Variants in ACOX2 observed in about 807,000 individuals in gnomAD.
The protein encoded by ACOX2 is acyl-CoA oxidase 2, also known as peroxisomal acyl-coenzyme A oxidase 2.
In ACOX2, 59 loss-of-function variants were observed where a neutral mutation model predicts 77.5. The ratio of observed to expected loss-of-function variants is 0.76; its 90% CI spans 0.62 to 0.95. ACOX2 has a LOEUF of 0.95. ACOX2 is among the 40% of genes least tolerant of loss of function. The pLI is 0.00. For missense variants in ACOX2, 837 were observed against 880.4 expected, an observed-to-expected ratio of 0.95 and a Z score of 0.62; for synonymous variants, 317 against 340.1, an observed-to-expected ratio of 0.93 and a Z score of 0.75.
Position 58,535,259 on chromosome 3 carries a change from A to C in ACOX2, c.-91-62T>G. The C allele has an allele frequency of 1.1e-6, 1 of 913,650 alleles. No homozygotes were observed. Among genetic ancestry groups the C allele is most frequent in the South Asian group, 1.6e-5 (1 of 63,090 alleles). 56.6% of individuals were successfully genotyped at this position (913,650 alleles called of 1,614,324 possible). On this transcript the variant is annotated intron_variant, in intron 1 of 14. Transcript: ENST00000302819. The surrounding 1 kb of genome is among the most constrained non-coding windows in gnomAD (Gnocchi z 4.8). ...GCCAGGGCTGGTTGGTAGAAGAAAG[A>C]CATCCCTAAGTACCTGAATGCCACT... is the stretch of plus-strand genomic sequence containing the variant.
chr3:58,532,445 G>T (rs1446192156), intron 5 of ACOX2, among the ~76,000 whole-genome samples: 1 of 151,610 alleles, frequency 6.6e-6, no homozygotes, highest in Non-Finnish European at 1.5e-5. Context: ...GAGTGCAATG[G>T]CCTGAGCTCG....
intron 7 of ACOX2, 35 bp from the exon 8 acceptor site, chr3:58,530,673 C>G: frequency 6.3e-7 from 1 of 1,595,040 alleles, no homozygotes; most frequent in Non-Finnish European, 8.6e-7. Flanking sequence ...AGTTCTGGGC[C>G]AAGGCTTCCC....
Position 58,530,491 on chromosome 3 carries a change from G to A in ACOX2, c.967C>T (p.Arg323Cys), listed in dbSNP as rs941553281. The A allele has an allele frequency of 8.7e-6, 14 of 1,614,060 alleles. No homozygotes were observed. The highest frequency in any genetic ancestry group is 5.0e-5 in the Admixed American group (3 of 60,008). ...CVIAMRYSVIRRQSRLRPSDP... is the reference protein window; with the variant it reads ...CVIAMRYSVICRQSRLRPSDP... ...CTGGGCCGGAGCCGGGATTGGCGGC[G>A]GATGACCGAGTAGCGCATGGCGATG... The change falls in exon 8 of 15, where the codon CGC (arginine) becomes TGC (cysteine). Residue 323 changes from arginine to cysteine, a missense_variant. By Grantham distance (180) the Arg-to-Cys change is radical. Transcript: ENST00000302819.
chr3:58,534,726 A>G lies in ACOX2; in HGVS notation c.161-204T>C. On this transcript the variant is annotated intron_variant, in intron 2 of 14. Coordinates refer to ENST00000302819, the MANE Select transcript of ACOX2 (RefSeq NM_003500.4). This position sits in a 1 kb window ranked among gnomAD's most constrained non-coding sequence, Gnocchi z 4.8. ...GCAGTGGCAGAATTTTAGGACCAGAATCCAGGTCTTCTGCTGCCTAGGACT... is the reference window on the plus strand; with the variant it reads ...GCAGTGGCAGAATTTTAGGACCAGAGTCCAGGTCTTCTGCTGCCTAGGACT... 7.3e-7 allele frequency: 1 copy of G among 1,377,970 alleles called. No individual in the cohort carries two copies. Among genetic ancestry groups the G allele is most frequent in the Non-Finnish European group, 1.0e-6 (1 of 999,380 alleles). 85.4% of individuals were successfully genotyped at this position (1,377,970 alleles called of 1,614,324 possible). A position where few individuals can be genotyped will look rare whatever the true frequency, so the allele number is the denominator to read the frequency against.
chr3:58,533,197 A>T lies in ACOX2; in HGVS notation c.583+248T>A, dbSNP rs2063453993. Among the ~76,000 whole-genome samples the T allele has an allele frequency of 6.6e-6, 1 of 151,960 alleles. No homozygotes were observed. Among genetic ancestry groups the T allele is most frequent in the Non-Finnish European group, 1.5e-5 (1 of 67,992 alleles). On this transcript the variant is annotated intron_variant, in intron 5 of 14. Transcript: ENST00000302819. This position sits in a 1 kb window ranked among gnomAD's most constrained non-coding sequence, Gnocchi z 5.6. ...GTGAGGCCTTGTCTCTCATGGATCG[A>T]TTGTCTCCTCTACTTCAAAGTTCCT...
In ACOX2 at chr3:58,534,418, A is replaced by G. The variant is rs755855012; in HGVS notation, c.265T>C (p.Leu89=). 10 of 1,614,196 alleles carry G rather than the reference A, an allele frequency of 6.2e-6. No individual in the cohort carries two copies. The South Asian group carries it at 9.9e-5, about 16-fold the overall frequency. ...AACCAACCCAGGCGCCGAGCTATCA[A>G]CCGGATGTGGAATGCCCTCCGCATG... ...AAMRRAFHIR[L]IARRLGWLED... is the part of the protein sequence containing the mutation. The change falls in exon 3 of 15, where the codon TTG becomes CTG. Residue 89 remains leucine (L), a synonymous_variant. Transcript: ENST00000302819. This position sits in a 1 kb window ranked among gnomAD's most constrained non-coding sequence, Gnocchi z 4.8.
At position 58,509,323 on chromosome 3, in the gene ACOX2, C is replaced by T. The variant is rs560669521; in HGVS notation, c.1851-298G>A. 2.0e-5 allele frequency among the ~76,000 whole-genome samples: 3 copies of T among 152,030 alleles called. No individual in the cohort carries two copies. The South Asian group carries it at 6.2e-4, about 32-fold the overall frequency. On this transcript the variant is annotated intron_variant, in intron 13 of 14. Transcript: ENST00000302819. ...TAGGTGGATCATGAGGTCAGGAGAT[C>T]AAGACCATCCTGGGTAACATGGTGA...
rs1451975719 is a variant in ACOX2 at position 58,534,308 on chromosome 3, A to C, written c.323+52T>G. ...TGGCTCATGGGGCTAGGGGGTTTCC[A>C]GGTGATCCCAGGTAGATCCCTCTCT... On this transcript the variant is annotated intron_variant, in intron 3 of 14. Coordinates refer to ENST00000302819, the MANE Select transcript of ACOX2 (RefSeq NM_003500.4). This position sits in a 1 kb window ranked among gnomAD's most constrained non-coding sequence, Gnocchi z 4.8. The C allele has an allele frequency of 1.1e-5, 17 of 1,604,546 alleles. No individual in the cohort carries two copies. The highest frequency in any genetic ancestry group is 1.1e-5 in the Non-Finnish European group (13 of 1,175,378).
chr3:58,522,401 T>G lies in ACOX2; in HGVS notation c.1632+95A>C. Reference sequence around the variant, plus strand: ...GAGGGCAGCCGCCACTGAAGCAGAGTTGGGGAATAATGGCAGAGCCCGGAT... The same window carrying G: ...GAGGGCAGCCGCCACTGAAGCAGAGGTGGGGAATAATGGCAGAGCCCGGAT... On this transcript the variant is annotated intron_variant, in intron 12 of 14. Coordinates refer to ENST00000302819, the MANE Select transcript of ACOX2 (RefSeq NM_003500.4). This position sits in a 1 kb window ranked among gnomAD's most constrained non-coding sequence, Gnocchi z 4.3. The G allele has an allele frequency of 8.3e-7, 1 of 1,201,048 alleles. No individual in the cohort carries two copies. Among genetic ancestry groups the G allele is most frequent in the East Asian group, 2.4e-5 (1 of 41,694 alleles). 74.4% of individuals were successfully genotyped at this position (1,201,048 alleles called of 1,614,324 possible).
In ACOX2 at chr3:58,505,653, C is replaced by G. The variant is rs1169812709; in HGVS notation, c.1984-367G>C. Among the ~76,000 whole-genome samples the G allele has an allele frequency of 6.6e-6, 1 of 152,136 alleles. No homozygotes were observed. Among genetic ancestry groups the G allele is most frequent in the Non-Finnish European group, 1.5e-5 (1 of 68,026 alleles). Reference sequence around the variant, plus strand: ...CATATAAGCAGTATTCTAGGTCCGACTAGGTTATCCTCATTATGCTGTAAT... The same window carrying G: ...CATATAAGCAGTATTCTAGGTCCGAGTAGGTTATCCTCATTATGCTGTAAT... On this transcript the variant is annotated intron_variant, in intron 14 of 14. Coordinates refer to ENST00000302819, the MANE Select transcript of ACOX2 (RefSeq NM_003500.4). This position sits in a 1 kb window ranked among gnomAD's most constrained non-coding sequence, Gnocchi z 4.4.
chr3:58,520,068 T>G (rs1253138318), intron 12 of ACOX2, among the ~76,000 whole-genome samples: 1 of 152,228 alleles, frequency 6.6e-6, no homozygotes, highest in Non-Finnish European at 1.5e-5. Context: ...GGCCCCACGC[T>G]CTGAGCACAG....
intron 12 of ACOX2, among the ~76,000 whole-genome samples, chr3:58,520,101 T>C (rs2063348824): frequency 6.6e-6 from 1 of 152,222 alleles, no homozygotes; most frequent in Non-Finnish European, 1.5e-5. Flanking sequence ...ACATTGTGTG[T>C]GTTGGTTTAA....
intron 12 of ACOX2, 96 bp from the exon 13 acceptor site, chr3:58,517,519 C>A: frequency 8.2e-7 from 1 of 1,218,142 alleles, no homozygotes. Context: ...AAACTTGAGG[C>A]ATGATGTGCT....
intron 12 of ACOX2, among the ~76,000 whole-genome samples, chr3:58,518,985 G>A (rs2063340805): frequency 6.6e-6 from 1 of 152,126 alleles, no homozygotes; most frequent in Non-Finnish European, 1.5e-5. Context: ...TGGGGATCTT[G>A]TCAAAATGCA....
rs766038826 is a variant in ACOX2 at position 58,534,591 on chromosome 3, C to T, written c.161-69G>A. 1.2e-6 allele frequency: 2 copies of T among 1,612,146 alleles called. No individual in the cohort carries two copies. The highest frequency in any genetic ancestry group is 2.2e-5 in the South Asian group (2 of 90,872). ...TTTCTGGCACCTTGAAATCTTCTCA[C>T]CCACTTGCTTCATGGATCTGGAAAG... On this transcript the variant is annotated intron_variant, in intron 2 of 14. Coordinates refer to ENST00000302819, the MANE Select transcript of ACOX2 (RefSeq NM_003500.4). This position sits in a 1 kb window ranked among gnomAD's most constrained non-coding sequence, Gnocchi z 4.8.
rs2063471057 is a variant in ACOX2, at chr3:58,535,023, C to T, written c.84G>A (p.Met28Ile). The T allele has an allele frequency of 6.2e-7, 1 of 1,614,256 alleles. No individual in the cohort carries two copies. The highest frequency in any genetic ancestry group is 1.1e-5 in the South Asian group (1 of 91,084). Reference sequence around the variant, plus strand: ...TGAGCCGTTCCACGTCAAAGGACTGCATATACCTCTCGCTCTCTATGTCGG... The same window carrying T: ...TGAGCCGTTCCACGTCAAAGGACTGTATATACCTCTCGCTCTCTATGTCGG... ...MHPDIESERY[M>I]QSFDVERLTN... Residue 28 changes from methionine to isoleucine, a missense_variant, in exon 2 of 15, where the codon ATG becomes ATA. Coordinates refer to ENST00000302819, the MANE Select transcript of ACOX2 (RefSeq NM_003500.4). The surrounding 1 kb of genome is among the most constrained non-coding windows in gnomAD (Gnocchi z 4.8).
Position 58,528,645 on chromosome 3 carries a change from T to G in ACOX2, c.1155+149A>C. On this transcript the variant is annotated intron_variant, in intron 9 of 14. Coordinates refer to ENST00000302819, the MANE Select transcript of ACOX2 (RefSeq NM_003500.4). The surrounding 1 kb of genome is among the most constrained non-coding windows in gnomAD (Gnocchi z 5.6). ...GGTAAATTTATATACCAGGGTGCCG[T>G]TCACCCAGACGCCCTGGGATGCTGA... is the stretch of plus-strand genomic sequence containing the variant. 1.0e-6 allele frequency: 1 copy of G among 996,160 alleles called. No homozygotes were observed. The highest frequency in any genetic ancestry group is 1.4e-6 in the Non-Finnish European group (1 of 719,578). 61.7% of individuals were successfully genotyped at this position (996,160 alleles called of 1,614,324 possible). A position where few individuals can be genotyped will look rare whatever the true frequency, so the allele number is the denominator to read the frequency against.
chr3:58,522,922 C>A lies in ACOX2; in HGVS notation c.1527-321G>T. On this transcript the variant is annotated intron_variant, in intron 11 of 14. Coordinates refer to ENST00000302819, the MANE Select transcript of ACOX2 (RefSeq NM_003500.4). This position sits in a 1 kb window ranked among gnomAD's most constrained non-coding sequence, Gnocchi z 4.3. ...TCAGGGCCACAGGCCAGGAGCTGTC[C>A]CCTATTTCTAATGCAGATTCCAGCC... The A allele has an allele frequency of 3.4e-6, 1 of 295,630 alleles. No individual in the cohort carries two copies. The allele number at this position is 295,630 out of a possible 1,614,324, so 18.3% of individuals were successfully genotyped here. A position where few individuals can be genotyped will look rare whatever the true frequency, so the allele number is the denominator to read the frequency against.
chr3:58,532,621 G>T (rs2063449140), intron 5 of ACOX2, among the ~76,000 whole-genome samples: 1 of 152,054 alleles, frequency 6.6e-6, no homozygotes, highest in Non-Finnish European at 1.5e-5. Context: ...CTGACCTCAG[G>T]TGATCCACTC....
Sources: allele counts gnomAD v4.1 joint callset (sites outside exome capture counted in the v4.1 genomes callset), GRCh38; gene constraint gnomAD v4.1.1; non-coding constraint Gnocchi (gnomAD v3.1); transcripts MANE v1.5; gene names NCBI Gene and HGNC (gene_info 2026-07-23, HGNC 2026-07-21).